PLCE1: variants seen among roughly 807,000 people sequenced by gnomAD.
PLCE1 encodes 1-phosphatidylinositol 4,5-bisphosphate phosphodiesterase epsilon-1.
Under a neutral mutation model 242.8 loss-of-function variants are expected in PLCE1, and 119 were observed. The observed-to-expected ratio is 0.49, with a 90% CI of 0.42 to 0.57. The LOEUF (loss-of-function observed/expected upper bound fraction) is 0.57. Among genes scored for constraint, PLCE1 ranks in the 20% least tolerant of loss-of-function variants. The pLI, the probability that PLCE1 is intolerant of heterozygous loss-of-function variation, is 0.00. For missense variants in PLCE1, 2,441 were observed against 2,788.8 expected, an observed-to-expected ratio of 0.88 and a Z score of 2.81; for synonymous variants, 945 against 1,017.4, an observed-to-expected ratio of 0.93 and a Z score of 1.35.
intron 2 of PLCE1, among the ~76,000 whole-genome samples, chr10:94,088,741 A>G (rs2044941785): frequency 6.6e-6 from 1 of 152,078 alleles, no homozygotes; most frequent in Non-Finnish European, 1.5e-5. Context: ...TTGCACATGT[A>G]TACACTTTGG....
At chr10:94,269,453 A>G (rs1030055326) in intron 17 of PLCE1, among the ~76,000 whole-genome samples, 1 of 152,062 alleles carries the variant, frequency 6.6e-6, no homozygotes, top group Admixed American at 6.6e-5. Context: ...CCTTAGATCA[A>G]GGGTCTTTAT....
chr10:94,279,575 A>T, intron 19 of PLCE1: 1 of 602,976 alleles, frequency 1.7e-6, no homozygotes, highest in Non-Finnish European at 2.9e-6. Context: ...TAAAAGCTCC[A>T]GGATTCTTCC....
chr10:94,093,934 CTT>C (rs398046178), intron 2 of PLCE1, among the ~76,000 whole-genome samples: 2 of 79,192 alleles, frequency 2.5e-5, no homozygotes, highest in African/African-American at 1.1e-4. Flanking sequence ...ATCGGTATTT[CTT>C]TTTTTTTTTT....
intron 2 of PLCE1, among the ~76,000 whole-genome samples, chr10:94,116,842 C>A (rs558200733): frequency 6.6e-6 from 1 of 152,314 alleles, no homozygotes; most frequent in South Asian, 2.1e-4. Context: ...GCATTTGCTT[C>A]TCCCTGGCCT....
chr10:94,158,543 T>C (rs1459578142), intron 3 of PLCE1, among the ~76,000 whole-genome samples: 1 of 152,168 alleles, frequency 6.6e-6, no homozygotes, highest in Non-Finnish European at 1.5e-5. Context: ...AATTTTTCTC[T>C]TTCAATGTTA....
rs1285074976 is a variant in PLCE1, at chr10:94,324,444, C to T, written c.6597C>T (p.Asn2199=). The change falls in exon 31 of 33, where the codon AAC becomes AAT. Residue 2199 remains asparagine (N), a synonymous_variant. Coordinates refer to ENST00000371380, the MANE Select transcript of PLCE1 (RefSeq NM_016341.4). ...LLEEVVKDTT[N]KKTTTPKSSQ... ...AAGAGGTGGTGAAAGACACTACCAA[C>T]AAGAAGACTACCACACCAAAGTCCT... 6.2e-7 allele frequency: 1 copy of T among 1,614,124 alleles called. No homozygotes were observed.
At chr10:94,177,600 C>A (rs1235730315) in intron 4 of PLCE1, among the ~76,000 whole-genome samples, 2 of 152,160 alleles carry the variant, frequency 1.3e-5, no homozygotes, top group Non-Finnish European at 2.9e-5. Context: ...GGTGGAGCAG[C>A]CTCACTTCTT....
At chr10:94,156,276 C>T (rs988662827) in intron 3 of PLCE1, among the ~76,000 whole-genome samples, 1 of 152,172 alleles carries the variant, frequency 6.6e-6, no homozygotes, top group African/African-American at 2.4e-5. Flanking sequence ...TCAGACACCA[C>T]GGGTTAAGTA....
At chr10:94,065,282 G>A (rs1215642975) in intron 2 of PLCE1, among the ~76,000 whole-genome samples, 2 of 152,166 alleles carry the variant, frequency 1.3e-5, no homozygotes, top group Non-Finnish European at 2.9e-5. Flanking sequence ...CACTGGATTG[G>A]TGATACCATT....
At chr10:94,025,668 A>T (rs1040558531) in intron 1 of PLCE1, among the ~76,000 whole-genome samples, 3 of 152,134 alleles carry the variant, frequency 2.0e-5, no homozygotes, top group African/African-American at 7.2e-5. Flanking sequence ...AAAAGCTCTA[A>T]AAGTTAGGGA....
intron 3 of PLCE1, among the ~76,000 whole-genome samples, chr10:94,161,467 G>A (rs1462478176): frequency 1.3e-5 from 2 of 152,016 alleles, no homozygotes; most frequent in Non-Finnish European, 2.9e-5. Context: ...GTCTGTTATT[G>A]GTGTATAAGA....
At position 94,031,331 on chromosome 10, in the gene PLCE1, G is replaced by T; in HGVS notation, c.285G>T (p.Met95Ile). The T allele has an allele frequency of 6.2e-7, 1 of 1,613,852 alleles. No homozygotes were observed. Among genetic ancestry groups the T allele is most frequent in the East Asian group, 2.2e-5 (1 of 44,858 alleles). ...ATGAAAAATGTTGGGAGAAAATCATGCCAGATTCTGCGAAAAACCTTAACA... is the reference window on the plus strand; with the variant it reads ...ATGAAAAATGTTGGGAGAAAATCATTCCAGATTCTGCGAAAAACCTTAACA... Reference protein sequence around the residue: ...NSNEKCWEKIMPDSAKNLNIN... With the variant: ...NSNEKCWEKIIPDSAKNLNIN... The change falls in exon 2 of 33, where the codon ATG (methionine) becomes ATT (isoleucine). Residue 95 changes from methionine (M) to isoleucine (I), a missense_variant. Around this residue, in one of 5 missense-constraint regions of PLCE1, gnomAD observed 393 missense variants for 378.5 expected, o/e 1.04. Coordinates refer to ENST00000371380, the MANE Select transcript of PLCE1 (RefSeq NM_016341.4).
At chr10:94,102,970 A>G (rs920030329) in intron 2 of PLCE1, among the ~76,000 whole-genome samples, 23 of 152,384 alleles carry the variant, frequency 1.5e-4, no homozygotes, top group African/African-American at 5.3e-4. Context: ...GAAGAAAAAC[A>G]GTGGAGGAGG....
At chr10:94,273,831 T>G in intron 19 of PLCE1, 111 bp downstream of exon 19, 1 of 995,404 alleles carries the variant, frequency 1.0e-6, no homozygotes, top group Admixed American at 1.8e-5. Context: ...TTTTCAAGAC[T>G]GACTTTCCTT....
At chr10:94,241,391 A>C (rs921189026) in intron 7 of PLCE1, among the ~76,000 whole-genome samples, 8 of 152,236 alleles carry the variant, frequency 5.3e-5, no homozygotes, top group Non-Finnish European at 1.2e-4. Flanking sequence ...TTCTATGTAC[A>C]AATTTACATG....
rs576621393 is a variant in PLCE1, at chr10:94,206,123, C to T, written c.1810-21183C>T. Among the ~76,000 whole-genome samples the T allele has an allele frequency of 2.6e-5, 4 of 152,262 alleles. 1 individual carries two copies. In the South Asian group the frequency reaches 6.2e-4, roughly 24 times the overall value. ...AAGTGTTGGGGAGGGGTAGTTCTTGCAACCTCAAGTCGAGTGATGAGGGAA... is the reference window on the plus strand; with the variant it reads ...AAGTGTTGGGGAGGGGTAGTTCTTGTAACCTCAAGTCGAGTGATGAGGGAA... On this transcript the variant is annotated intron_variant, in intron 4 of 32. Coordinates refer to ENST00000371380, the MANE Select transcript of PLCE1 (RefSeq NM_016341.4).
At chr10:94,182,179 G>A (rs2048335243) in intron 4 of PLCE1, among the ~76,000 whole-genome samples, 1 of 151,540 alleles carries the variant, frequency 6.6e-6, no homozygotes, top group Non-Finnish European at 1.5e-5. Context: ...TCTATCTTTG[G>A]GGTCATCCAT....
intron 1 of PLCE1, among the ~76,000 whole-genome samples, chr10:94,026,307 C>A (rs2061452061): frequency 6.6e-6 from 1 of 152,108 alleles, no homozygotes; most frequent in African/African-American, 2.4e-5. Flanking sequence ...ATTACCTATC[C>A]CCAAATATCT....
At chr10:94,175,992 T>G (rs1204696659) in intron 4 of PLCE1, among the ~76,000 whole-genome samples, 1 of 152,210 alleles carries the variant, frequency 6.6e-6, no homozygotes, top group African/African-American at 2.4e-5. Flanking sequence ...CTTCCAAATC[T>G]TGGCTATTGT....
Sources: allele counts gnomAD v4.1 joint callset (sites outside exome capture counted in the v4.1 genomes callset), GRCh38; gene constraint gnomAD v4.1.1; regional missense constraint gnomAD v4.1.1; transcripts MANE v1.5; gene names NCBI Gene and HGNC (gene_info 2026-07-23, HGNC 2026-07-21).